Variants in CRMP1 observed in about 807,000 individuals in gnomAD.
The protein encoded by CRMP1 is collapsin response mediator protein 1, also known as dihydropyrimidinase-related protein 1.
In CRMP1, 19 loss-of-function variants were observed where a neutral mutation model predicts 68.3. The ratio of observed to expected loss-of-function variants is 0.28; its 90% CI spans 0.19 to 0.41. The LOEUF (loss-of-function observed/expected upper bound fraction) is 0.41, where lower values mean the gene tolerates loss of function less well. Among genes scored for constraint, CRMP1 ranks in the 10% least tolerant of loss-of-function variants. CRMP1 has a pLI of 1.00. For synonymous variants in CRMP1, 439 were observed against 399.6 expected, an observed-to-expected ratio of 1.10 and a Z score of -1.18; for missense variants, 791 against 967.4, an observed-to-expected ratio of 0.82 and a Z score of 2.42.
rs1711818579 is a variant in CRMP1 at position 5,842,448 on chromosome 4, GAAAA to G, written c.1032+641_1032+644del. On this transcript the variant is annotated intron_variant, in intron 7 of 13. Coordinates refer to ENST00000324989, the MANE Select transcript of CRMP1 (RefSeq NM_001014809.3). This position sits in a 1 kb window ranked among gnomAD's most constrained non-coding sequence, Gnocchi z 4.5. ...CATCTCAAAAAAAAAAAAAAAAAAA[GAAAA>G]GAAAGAAAGAAAGTAAAAAGAAGGT... is the stretch of plus-strand genomic sequence containing the variant. 7.2e-6 allele frequency among the ~76,000 whole-genome samples: 1 copy of G among 139,628 alleles called. No homozygotes were observed. The highest frequency in any genetic ancestry group is 1.6e-5 in the Non-Finnish European group (1 of 63,932). The allele number at this position is 139,628 out of a possible 152,430, so 91.6% of individuals were successfully genotyped here.
rs957794439 is a variant in CRMP1 at position 5,872,315 on chromosome 4, G to A, written c.382-5559C>T. Among the ~76,000 whole-genome samples the A allele has an allele frequency of 2.8e-4, 42 of 152,250 alleles. No homozygotes were observed. The highest frequency in any genetic ancestry group is 9.4e-4 in the African/African-American group (39 of 41,550). On this transcript the variant is annotated intron_variant, in intron 1 of 13. Coordinates refer to ENST00000324989, the MANE Select transcript of CRMP1 (RefSeq NM_001014809.3). The surrounding 1 kb of genome is among the most constrained non-coding windows in gnomAD (Gnocchi z 4.6). ...TATAAAAAAAAATAATACCGGTGCCGTCTATTGCCTCTCACGGGGTTACTG... is the reference window on the plus strand; with the variant it reads ...TATAAAAAAAAATAATACCGGTGCCATCTATTGCCTCTCACGGGGTTACTG...
rs149071734 is a variant in CRMP1 at position 5,881,060 on chromosome 4, T to C, written c.381+11529A>G. On this transcript the variant is annotated intron_variant, in intron 1 of 13. Transcript: ENST00000324989. This position sits in a 1 kb window ranked among gnomAD's most constrained non-coding sequence, Gnocchi z 4.6. Reference sequence around the variant, plus strand: ...CCAGCCCAGGAGGAGGAATCCTTTATAGAGAATGGACACAGCTGATACAAA... The same window carrying C: ...CCAGCCCAGGAGGAGGAATCCTTTACAGAGAATGGACACAGCTGATACAAA... Among the ~76,000 whole-genome samples the C allele has an allele frequency of 1.3e-5, 2 of 152,324 alleles. No individual in the cohort carries two copies. Among genetic ancestry groups the C allele is most frequent in the Non-Finnish European group, 2.9e-5 (2 of 68,024 alleles).
chr4:5,847,119 C>T (rs554886974), intron 6 of CRMP1, among the ~76,000 whole-genome samples: 26 of 152,266 alleles, frequency 1.7e-4, no homozygotes, highest in Middle Eastern at 3.4e-3. Context: ...ATTTCAGAAC[C>T]GCCATGAACC....
chr4:5,871,177 A>G (rs991500819), intron 1 of CRMP1, among the ~76,000 whole-genome samples: 9 of 152,154 alleles, frequency 5.9e-5, no homozygotes, highest in Non-Finnish European at 1.2e-4. Flanking sequence ...GTGCTGGTCT[A>G]CTTCTGAAAA....
Position 5,888,542 on chromosome 4 carries a change from C to T in CRMP1, c.381+4047G>A, listed in dbSNP as rs1715771188. 1.7e-6 allele frequency: 2 copies of T among 1,157,498 alleles called. No homozygotes were observed. The highest frequency in any genetic ancestry group is 2.1e-6 in the Non-Finnish European group (2 of 940,244). The allele number at this position is 1,157,498 out of a possible 1,614,324, so 71.7% of individuals were successfully genotyped here. A position where few individuals can be genotyped will look rare whatever the true frequency, so the allele number is the denominator to read the frequency against. On this transcript the variant is annotated intron_variant, in intron 1 of 13. Coordinates refer to ENST00000324989, the MANE Select transcript of CRMP1 (RefSeq NM_001014809.3). The surrounding 1 kb of genome is among the most constrained non-coding windows in gnomAD (Gnocchi z 6.4). ...GGCGGGAGGAGGGGGCTGCAGACAG[C>T]TCCTCCCGGCGGCGCGGAGCGAAGC...
At chr4:5,871,972 C>T (rs934768162) in intron 1 of CRMP1, among the ~76,000 whole-genome samples, 3 of 152,174 alleles carry the variant, frequency 2.0e-5, no homozygotes, top group African/African-American at 7.2e-5. Context: ...GGTCCACGAA[C>T]AGGTGTGACC....
At position 5,825,838 on chromosome 4, in the gene CRMP1, G is replaced by T; in HGVS notation, c.1804-179C>A. ...CTTCACACACATGCAGCCGCACACAGGCATTCATACACACAAGCATGCATA... is the reference window on the plus strand; with the variant it reads ...CTTCACACACATGCAGCCGCACACATGCATTCATACACACAAGCATGCATA... On this transcript the variant is annotated intron_variant, in intron 12 of 13. Coordinates refer to ENST00000324989, the MANE Select transcript of CRMP1 (RefSeq NM_001014809.3). The surrounding 1 kb of genome is among the most constrained non-coding windows in gnomAD (Gnocchi z 4.4). The T allele has an allele frequency of 1.6e-6, 1 of 625,076 alleles. No homozygotes were observed. The allele number at this position is 625,076 out of a possible 1,614,324, so 38.7% of individuals were successfully genotyped here.
chr4:5,857,112 C>A (rs201773836), intron 3 of CRMP1, among the ~76,000 whole-genome samples: 27 of 93,246 alleles, frequency 2.9e-4, no homozygotes, highest in Admixed American at 1.5e-3. Context: ...CCACCACCAC[C>A]ACAATCATCA....
rs1712551423 is a variant in CRMP1 at position 5,850,597 on chromosome 4, TC to T, written c.882+810del. ...TGGCACCATTCTCTGCTAGGCACCA[TC>T]CTAGCACTTTACTCTTCTTATGAAA... On this transcript the variant is annotated intron_variant, in intron 5 of 13. Transcript: ENST00000324989. This position sits in a 1 kb window ranked among gnomAD's most constrained non-coding sequence, Gnocchi z 4.4. Among the ~76,000 whole-genome samples the T allele has an allele frequency of 6.6e-6, 1 of 152,182 alleles. No individual in the cohort carries two copies. The highest frequency in any genetic ancestry group is 2.1e-4 in the South Asian group (1 of 4,830).
intron 11 of CRMP1, among the ~76,000 whole-genome samples, chr4:5,831,321 A>G (rs997765483): frequency 1.3e-5 from 2 of 152,098 alleles, no homozygotes; most frequent in African/African-American, 4.8e-5. Context: ...TGATTCTTCC[A>G]TAGAAAAACT....
Position 5,825,929 on chromosome 4 carries a change from T to TATGCATGC in CRMP1, c.1804-271_1804-270insGCATGCAT, listed in dbSNP as rs879700115. On this transcript the variant is annotated intron_variant, in intron 12 of 13. Transcript: ENST00000324989. The surrounding 1 kb of genome is among the most constrained non-coding windows in gnomAD (Gnocchi z 4.4). The stretch of plus-strand genomic sequence containing the variant: ...CACACACCACGCACACGCACTCACA[T>TATGCATGC]ACATGCAGTCATGCACACATATATG... 18,056 of 491,908 alleles carry TATGCATGC rather than the reference T, an allele frequency of 0.037. 429 individuals carry two copies. Among genetic ancestry groups the TATGCATGC allele is most frequent in the African/African-American group, 0.056 (2,760 of 49,238 alleles). 30.5% of individuals were successfully genotyped at this position (491,908 alleles called of 1,614,324 possible).
At chr4:5,835,731 T>C (rs1720684858) in intron 11 of CRMP1, among the ~76,000 whole-genome samples, 184 bp downstream of exon 11, 2 of 152,218 alleles carry the variant, frequency 1.3e-5, no homozygotes, top group Admixed American at 1.3e-4. Flanking sequence ...AGCAGCTTAG[T>C]TGAGCCTGCT....
rs1388297768 is a variant in CRMP1, at chr4:5,888,649, C to A, written c.381+3940G>T. Reference sequence around the variant, plus strand: ...CGCCCCCCGCCCCCCACCCGCCCAGCCCCGCCGACCCCCGCCCTGCGCACA... The same window carrying A: ...CGCCCCCCGCCCCCCACCCGCCCAGACCCGCCGACCCCCGCCCTGCGCACA... On this transcript the variant is annotated intron_variant, in intron 1 of 13. Transcript: ENST00000324989. The surrounding 1 kb of genome is among the most constrained non-coding windows in gnomAD (Gnocchi z 6.4). 1 of 974,030 alleles carries A rather than the reference C, an allele frequency of 1.0e-6. No homozygotes were observed. The highest frequency in any genetic ancestry group is 1.8e-5 in the African/African-American group (1 of 56,398). The allele number at this position is 974,030 out of a possible 1,614,324, so 60.3% of individuals were successfully genotyped here.
At position 5,870,489 on chromosome 4, in the gene CRMP1, G is replaced by A. The variant is rs116824746; in HGVS notation, c.382-3733C>T. Among the ~76,000 whole-genome samples, 685 of 152,350 alleles carry A rather than the reference G, an allele frequency of 4.5e-3. 2 individuals are homozygous for A. Among genetic ancestry groups the A allele is most frequent in the African/African-American group, 0.016 (662 of 41,588 alleles). ...GCACAGCACTTGTCTTTACTAGACC[G>A]TGAGCTCCACGGAGGCAACGGACTT... On this transcript the variant is annotated intron_variant, in intron 1 of 13. Coordinates refer to ENST00000324989, the MANE Select transcript of CRMP1 (RefSeq NM_001014809.3). The surrounding 1 kb of genome is among the most constrained non-coding windows in gnomAD (Gnocchi z 6.0).
In CRMP1 at chr4:5,860,089, T is replaced by C. The variant is rs1054571514; in HGVS notation, c.655+937A>G. 6.6e-6 allele frequency among the ~76,000 whole-genome samples: 1 copy of C among 150,882 alleles called. No homozygotes were observed. Among genetic ancestry groups the C allele is most frequent in the African/African-American group, 2.4e-5 (1 of 40,866 alleles). ...TCCCAGACCGAGCACTGCTGGGGAG[T>C]GGTCTCACTGCCCGCAGTGTTTCCT... On this transcript the variant is annotated intron_variant, in intron 3 of 13. Transcript: ENST00000324989. This position sits in a 1 kb window ranked among gnomAD's most constrained non-coding sequence, Gnocchi z 4.2.
intron 1 of CRMP1, among the ~76,000 whole-genome samples, chr4:5,875,760 G>C (rs954792349): frequency 6.6e-6 from 1 of 152,082 alleles, no homozygotes; most frequent in Non-Finnish European, 1.5e-5. Context: ...CACAGAGACC[G>C]TGAGTTTTCT....
At chr4:5,876,229 C>G (rs1022170373) in intron 1 of CRMP1, among the ~76,000 whole-genome samples, 1 of 152,018 alleles carries the variant, frequency 6.6e-6, no homozygotes, top group South Asian at 2.1e-4. Flanking sequence ...CTTATGTTTC[C>G]GAGTGGACAT....
rs1311753623 is a variant in CRMP1, at chr4:5,859,717, C to T, written c.655+1309G>A. Among the ~76,000 whole-genome samples the T allele has an allele frequency of 6.6e-6, 1 of 152,126 alleles. No homozygotes were observed. The highest frequency in any genetic ancestry group is 6.5e-5 in the Admixed American group (1 of 15,274). On this transcript the variant is annotated intron_variant, in intron 3 of 13. Coordinates refer to ENST00000324989, the MANE Select transcript of CRMP1 (RefSeq NM_001014809.3). This position sits in a 1 kb window ranked among gnomAD's most constrained non-coding sequence, Gnocchi z 5.2. ...CCCATCCAGCAGATCCACGGGCTGCCCTTTGGAAGAGGGATCAGGACAGTG... is the reference window on the plus strand; with the variant it reads ...CCCATCCAGCAGATCCACGGGCTGCTCTTTGGAAGAGGGATCAGGACAGTG...
In CRMP1 at chr4:5,841,059, G is replaced by A. The variant is rs1283749657; in HGVS notation, c.1153+249C>T. Among the ~76,000 whole-genome samples, 1 of 152,086 alleles carries A rather than the reference G, an allele frequency of 6.6e-6. No individual in the cohort carries two copies. Among genetic ancestry groups the A allele is most frequent in the Non-Finnish European group, 1.5e-5 (1 of 68,022 alleles). On this transcript the variant is annotated intron_variant, in intron 8 of 13. Coordinates refer to ENST00000324989, the MANE Select transcript of CRMP1 (RefSeq NM_001014809.3). This position sits in a 1 kb window ranked among gnomAD's most constrained non-coding sequence, Gnocchi z 6.9. ...TGATGACATGCTGAATTAATATGTG[G>A]ATCCATTAGATTAAACATAATATAT... is the stretch of plus-strand genomic sequence containing the variant.
Sources: allele counts gnomAD v4.1 joint callset (sites outside exome capture counted in the v4.1 genomes callset), GRCh38; gene constraint gnomAD v4.1.1; non-coding constraint Gnocchi (gnomAD v3.1); transcripts MANE v1.5; gene names NCBI Gene and HGNC (gene_info 2026-07-23, HGNC 2026-07-21).